SORCS1: variants seen among roughly 807,000 people sequenced by gnomAD.
SORCS1 encodes the protein VPS10 domain-containing receptor SorCS1.
Under a neutral mutation model 146.1 loss-of-function variants are expected in SORCS1, and 60 were observed. The ratio of observed to expected loss-of-function variants is 0.41; its 90% CI spans 0.33 to 0.51. The LOEUF is 0.51. Ranked by LOEUF, SORCS1 falls within the 20% of genes least tolerant of loss-of-function variation. The pLI is 0.21. For synonymous variants in SORCS1, 637 were observed against 584.0 expected (o/e 1.09, Z -1.31); for missense variants, 1,352 against 1,487.6 (o/e 0.91, Z 1.50).
intron 1 of SORCS1, among the ~76,000 whole-genome samples, chr10:107,045,213 A>G (rs970759508): frequency 2.0e-5 from 3 of 152,204 alleles, no homozygotes; most frequent in East Asian, 1.9e-4. Context: ...TTAAGTGTGC[A>G]TAAGATTTAC....
In SORCS1 at chr10:107,058,284, G is replaced by A. The variant is rs972723590; in HGVS notation, c.559-101704C>T. On this transcript the variant is annotated intron_variant, in intron 1 of 25. Transcript: ENST00000263054. ...TCTCGATCTCCCGACCTCGTGATCCGCCTGCCTCGGCCTCCCAAAGTGCTG... is the reference window on the plus strand; with the variant it reads ...TCTCGATCTCCCGACCTCGTGATCCACCTGCCTCGGCCTCCCAAAGTGCTG... Among the ~76,000 whole-genome samples the A allele has an allele frequency of 3.9e-5, 6 of 152,012 alleles. No homozygotes were observed. In the South Asian group the frequency reaches 1.0e-3, roughly 26 times the overall value.
intron 4 of SORCS1, among the ~76,000 whole-genome samples, chr10:106,773,502 C>T (rs1008850717): frequency 2.0e-5 from 3 of 152,154 alleles, no homozygotes; most frequent in Admixed American, 1.3e-4. Context: ...CCTTGAGATA[C>T]GGAGGTCTTC....
Position 106,796,640 on chromosome 10 carries a change from T to TGACAGG in SORCS1, c.727-19954_727-19949dup, listed in dbSNP as rs547412508. 1.2e-4 allele frequency among the ~76,000 whole-genome samples: 19 copies of TGACAGG among 152,178 alleles called. No individual in the cohort carries two copies. In the South Asian group the frequency reaches 4.0e-3, roughly 32 times the overall value. On this transcript the variant is annotated intron_variant, in intron 3 of 25. Transcript: ENST00000263054. ...GGGAAAGAGTGAGAGAGACAAAGAT[T>TGACAGG]GACAGGGACAGGGACAGTTGGGGGT... is the stretch of plus-strand genomic sequence containing the variant.
chr10:106,753,087 C>G (rs543503598), intron 5 of SORCS1, among the ~76,000 whole-genome samples: 2 of 151,496 alleles, frequency 1.3e-5, no homozygotes, highest in African/African-American at 4.8e-5. Flanking sequence ...AAAAAAAAAG[C>G]CATACCCCCT....
intron 1 of SORCS1, among the ~76,000 whole-genome samples, chr10:107,035,098 T>G (rs541787868): frequency 9.2e-5 from 14 of 152,022 alleles, no homozygotes. Flanking sequence ...AGTATATTCA[T>G]TACCACCTTT....
intron 3 of SORCS1, among the ~76,000 whole-genome samples, chr10:106,791,460 G>T (rs1831414350): frequency 6.6e-6 from 1 of 152,188 alleles, no homozygotes. Flanking sequence ...CACTTTGGGA[G>T]GCCGAGGCGG....
intron 1 of SORCS1, among the ~76,000 whole-genome samples, chr10:107,156,736 G>A (rs1174733264): frequency 6.6e-6 from 1 of 152,108 alleles, no homozygotes; most frequent in Non-Finnish European, 1.5e-5. Flanking sequence ...TTCCTATATG[G>A]GAAGACGTAG....
chr10:107,133,723 G>C (rs1967043139), intron 1 of SORCS1, among the ~76,000 whole-genome samples: 1 of 152,140 alleles, frequency 6.6e-6, no homozygotes, highest in Non-Finnish European at 1.5e-5. Context: ...GTATGTAACT[G>C]CTGGCACTTG....
chr10:106,944,707 G>A (rs182972915), intron 2 of SORCS1, among the ~76,000 whole-genome samples: 4 of 151,738 alleles, frequency 2.6e-5, no homozygotes, highest in Admixed American at 2.6e-4. Flanking sequence ...CAATTTCCTG[G>A]ACACAGAAAA....
Position 107,016,137 on chromosome 10 carries a change from T to C in SORCS1, c.559-59557A>G, listed in dbSNP as rs114010106. Among the ~76,000 whole-genome samples, 1,087 of 152,268 alleles carry C rather than the reference T, an allele frequency of 7.1e-3. 14 individuals carry two copies. The highest frequency in any genetic ancestry group is 0.024 in the African/African-American group (1,009 of 41,534). Reference sequence around the variant, plus strand: ...TTTTTAATAAATCTATAAGACAGTATGGAAGAATAGACAAATTGACAAACA... The same window carrying C: ...TTTTTAATAAATCTATAAGACAGTACGGAAGAATAGACAAATTGACAAACA... On this transcript the variant is annotated intron_variant, in intron 1 of 25. Coordinates refer to ENST00000263054, the MANE Select transcript of SORCS1 (RefSeq NM_052918.5).
intron 3 of SORCS1, among the ~76,000 whole-genome samples, chr10:106,810,738 C>T (rs1478159420): frequency 2.0e-5 from 3 of 152,154 alleles, no homozygotes; most frequent in Non-Finnish European, 4.4e-5. Context: ...GGGGAAAGTG[C>T]TACCTGCTCA....
At chr10:107,179,732 A>G in the SORCS1 span, among the ~76,000 whole-genome samples, 2 of 152,056 alleles carry the variant, frequency 1.3e-5, no homozygotes, top group African/African-American at 2.4e-5. Context: ...ATGACTCTTC[A>G]TGTCTCTTGC....
intron 2 of SORCS1, among the ~76,000 whole-genome samples, chr10:106,910,316 A>T (rs60858004): frequency 0.068 from 7,615 of 111,910 alleles, 489 homozygotes; most frequent in African/African-American, 0.23. Context: ...TGTGTGTGTG[A>T]GACAGTATAT....
intron 1 of SORCS1, among the ~76,000 whole-genome samples, chr10:106,965,124 AGC>A (rs1179376293): frequency 2.0e-5 from 3 of 152,078 alleles, no homozygotes; most frequent in Non-Finnish European, 4.4e-5. Flanking sequence ...TGACAGTGTC[AGC>A]ACTCAGTGCT....
At chr10:106,814,395 G>C (rs551940163) in intron 3 of SORCS1, among the ~76,000 whole-genome samples, 45 of 152,296 alleles carry the variant, frequency 3.0e-4, no homozygotes, top group African/African-American at 1.0e-3. Context: ...GAAAACTGGA[G>C]CAAGGTTTGG....
At chr10:106,890,558 T>C (rs1951189276) in intron 2 of SORCS1, among the ~76,000 whole-genome samples, 1 of 152,206 alleles carries the variant, frequency 6.6e-6, no homozygotes, top group Admixed American at 6.5e-5. Context: ...GGGAAAACTT[T>C]TCTAAATGAC....
At position 106,578,888 on chromosome 10, in the gene SORCS1, G is replaced by GA. The variant is rs552672599; in HGVS notation, c.3371+480dup. ...CAAAAGGAGGAATAAACTAATGAGA[G>GA]AAAAAAACTAGATAGAAGCAAGAGG... On this transcript the variant is annotated intron_variant, in intron 25 of 25. Coordinates refer to ENST00000263054, the MANE Select transcript of SORCS1 (RefSeq NM_052918.5). 3.3e-5 allele frequency: 46 copies of GA among 1,409,418 alleles called. No homozygotes were observed. The South Asian group carries it at 4.1e-4, about 13-fold the overall frequency. The allele number at this position is 1,409,418 out of a possible 1,614,324, so 87.3% of individuals were successfully genotyped here.
intron 1 of SORCS1, among the ~76,000 whole-genome samples, chr10:107,162,515 A>C (rs1216354807): frequency 6.6e-6 from 1 of 152,210 alleles, no homozygotes; most frequent in Non-Finnish European, 1.5e-5. Flanking sequence ...AGCTTCATTT[A>C]TTTGATCAAA....
At chr10:106,904,978 T>G (rs1362184214) in intron 2 of SORCS1, among the ~76,000 whole-genome samples, 1 of 152,200 alleles carries the variant, frequency 6.6e-6, no homozygotes, top group Non-Finnish European at 1.5e-5. Flanking sequence ...AATGCAAATA[T>G]TGCTGTCAAA....
Sources: allele counts gnomAD v4.1 joint callset (sites outside exome capture counted in the v4.1 genomes callset), GRCh38; gene constraint gnomAD v4.1.1; transcripts MANE v1.5; gene names NCBI Gene and HGNC (gene_info 2026-07-23, HGNC 2026-07-21).